The following MCCC2 variants were observed in gnomAD, a reference collection of about 807,000 sequenced individuals.
MCCC2 encodes the protein methylcrotonyl-CoA carboxylase subunit 2.
MCCC2 carries 52 observed loss-of-function variants against 77.2 expected under a neutral mutation model. That is an observed-to-expected ratio of 0.67 (90% CI 0.54 to 0.85). MCCC2 has a LOEUF of 0.85. Among genes scored for constraint, MCCC2 ranks in the 40% least tolerant of loss-of-function variants. The pLI is 0.00. For synonymous variants in MCCC2, 253 were observed against 248.4 expected, an observed-to-expected ratio of 1.02 and a Z score of -0.18; for missense variants, 682 against 703.2, an observed-to-expected ratio of 0.97 and a Z score of 0.34.
intron 6 of MCCC2, among the ~76,000 whole-genome samples, chr5:71,613,947 A>G (rs186279759): frequency 7.9e-5 from 12 of 151,196 alleles, no homozygotes; most frequent in East Asian, 3.9e-4. Context: ...TTAAATTCCA[A>G]GAGGTTCATA....
At chr5:71,622,835 G>A (rs549242449) in intron 6 of MCCC2, among the ~76,000 whole-genome samples, 9 of 152,270 alleles carry the variant, frequency 5.9e-5, no homozygotes, top group Non-Finnish European at 1.0e-4. Context: ...AGGCAGACGC[G>A]GTGGCTCACG....
intron 5 of MCCC2, chr5:71,602,975 G>T (rs1745504354): frequency 1.4e-5 from 4 of 278,148 alleles, no homozygotes; most frequent in Non-Finnish European, 2.7e-5. Context: ...GATCTCTTGA[G>T]TGCCAGGTAC....
At position 71,598,606 on chromosome 5, in the gene MCCC2, A is replaced by AT. The variant is rs34190236; in HGVS notation, c.282-1032dup. ...AGGCACGTGCCTCCACGCCTGGCTA[A>AT]TTTTTTTTTTTTTTTTTTTTTGTAT... On this transcript the variant is annotated intron_variant, in intron 3 of 16. Transcript: ENST00000340941. Among the ~76,000 whole-genome samples the AT allele has an allele frequency of 4.5e-3, 520 of 115,314 alleles. 5 individuals carry two copies. Among genetic ancestry groups the AT allele is most frequent in the South Asian group, 0.022 (76 of 3,454 alleles). 75.7% of individuals were successfully genotyped at this position (115,314 alleles called of 152,430 possible). A position where few individuals can be genotyped will look rare whatever the true frequency, so the allele number is the denominator to read the frequency against.
At chr5:71,633,019 A>G (rs933574896) in intron 8 of MCCC2, among the ~76,000 whole-genome samples, 1 of 148,936 alleles carries the variant, frequency 6.7e-6, no homozygotes, top group African/African-American at 2.5e-5. Flanking sequence ...TAGTTGCTCA[A>G]TAAAGGTTTT....
In MCCC2 at chr5:71,598,606, ATTTTTTTTTT is replaced by A. The variant is rs34190236; in HGVS notation, c.282-1041_282-1032del. Among the ~76,000 whole-genome samples the A allele has an allele frequency of 6.8e-3, 785 of 115,338 alleles. 7 individuals carry two copies. The highest frequency in any genetic ancestry group is 0.025 in the African/African-American group (752 of 30,456). The allele number at this position is 115,338 out of a possible 152,430, so 75.7% of individuals were successfully genotyped here. A position where few individuals can be genotyped will look rare whatever the true frequency, so the allele number is the denominator to read the frequency against. On this transcript the variant is annotated intron_variant, in intron 3 of 16. Transcript: ENST00000340941. ...AGGCACGTGCCTCCACGCCTGGCTA[ATTTTTTTTTT>A]TTTTTTTTTTTGTATTTTTAGTAGA...
chr5:71,639,179 G>A (rs1051189617), intron 10 of MCCC2, among the ~76,000 whole-genome samples: 1 of 152,196 alleles, frequency 6.6e-6, no homozygotes, highest in African/African-American at 2.4e-5. Flanking sequence ...GAGAGAGTAA[G>A]CCTGTCCTCA....
At chr5:71,622,164 T>C (rs979901599) in intron 6 of MCCC2, among the ~76,000 whole-genome samples, 3 of 152,124 alleles carry the variant, frequency 2.0e-5, no homozygotes, top group African/African-American at 2.4e-5. Flanking sequence ...GAATTTTCTT[T>C]CTAGGGTTTC....
intron 6 of MCCC2, among the ~76,000 whole-genome samples, chr5:71,610,389 G>A (rs1031664600): frequency 3.3e-5 from 5 of 152,158 alleles, no homozygotes; most frequent in Non-Finnish European, 5.9e-5. Flanking sequence ...GACCCCTTGC[G>A]CTTCCCAAGT....
chr5:71,642,857 A>G lies in MCCC2; in HGVS notation c.1073-962A>G, dbSNP rs533455914. ...ATTAAATAAACATGATAAGTTAGCC[A>G]GGTGTAGTGACTACTGGGGCCTATA... On this transcript the variant is annotated intron_variant, in intron 11 of 16. Transcript: ENST00000340941. Among the ~76,000 whole-genome samples the G allele has an allele frequency of 1.8e-3, 267 of 152,266 alleles. 2 individuals are homozygous for G. The highest frequency in any genetic ancestry group is 4.8e-3 in the South Asian group (23 of 4,818).
At chr5:71,630,492 A>G (rs1423091690) in intron 7 of MCCC2, among the ~76,000 whole-genome samples, 1 of 151,066 alleles carries the variant, frequency 6.6e-6, no homozygotes, top group Non-Finnish European at 1.5e-5. Context: ...TTTTTGGTTG[A>G]TATTAGTCAG....
At chr5:71,623,619 A>C (rs186121644) in intron 6 of MCCC2, among the ~76,000 whole-genome samples, 4 of 152,216 alleles carry the variant, frequency 2.6e-5, no homozygotes, top group Non-Finnish European at 4.4e-5. Context: ...ATCACTTGCC[A>C]TATTCTCTTT....
intron 4 of MCCC2, among the ~76,000 whole-genome samples, chr5:71,600,060 G>A (rs1745363004): frequency 6.6e-6 from 1 of 152,122 alleles, no homozygotes; most frequent in Non-Finnish European, 1.5e-5. Flanking sequence ...AGCTACTTGG[G>A]AGGCTGAGGC....
At chr5:71,653,196 T>C (rs553159965) in intron 16 of MCCC2, among the ~76,000 whole-genome samples, 2 of 152,378 alleles carry the variant, frequency 1.3e-5, no homozygotes, top group Non-Finnish European at 2.9e-5. Context: ...CTTACTGGCA[T>C]TTGTTGACAA....
rs549649066 is a variant in MCCC2, at chr5:71,634,739, G to A, written c.804-204G>A. Among the ~76,000 whole-genome samples the A allele has an allele frequency of 1.2e-4, 19 of 152,244 alleles. No individual in the cohort carries two copies. In the South Asian group the frequency reaches 3.7e-3, roughly 30 times the overall value. On this transcript the variant is annotated intron_variant, in intron 8 of 16. Transcript: ENST00000340941. ...ACTTATGCGTACTTCAGCTTTTCCT[G>A]TTTGTAAAACAAAGGGAATACAGTT...
chr5:71,608,898 C>A (rs979551929), intron 6 of MCCC2, among the ~76,000 whole-genome samples: 1 of 152,170 alleles, frequency 6.6e-6, no homozygotes, highest in African/African-American at 2.4e-5. Context: ...ATATTGGCCC[C>A]TAGTCTCTTC....
intron 6 of MCCC2, 35 bp from the exon 7 acceptor site, chr5:71,626,605 G>C: frequency 6.6e-7 from 1 of 1,513,546 alleles, no homozygotes; most frequent in African/African-American, 1.4e-5. Context: ...TGCATGAGCT[G>C]CATCTCATGT....
intron 2 of MCCC2, 96 bp downstream of exon 2, chr5:71,593,088 T>C: frequency 1.9e-6 from 2 of 1,064,762 alleles, no homozygotes; most frequent in Non-Finnish European, 2.8e-6. Context: ...AAGCTTTTGA[T>C]ATTTTTTTTT....
At position 71,635,169 on chromosome 5, in the gene MCCC2, G is replaced by A. The variant is rs781597349; in HGVS notation, c.922G>A (p.Glu308Lys). 1.2e-6 allele frequency: 2 copies of A among 1,614,150 alleles called. No individual in the cohort carries two copies. Among genetic ancestry groups the A allele is most frequent in the Non-Finnish European group, 8.5e-7 (1 of 1,179,996 alleles). ...KKLDVTIEPSEEPLFPADELY... is the reference protein window; with the variant it reads ...KKLDVTIEPSKEPLFPADELY... ...TCTGCAGGTCACCATTGAACCTTCT[G>A]AAGAGCCTTTATTTCCTGCTGATGA... Residue 308 changes from glutamate (E) to lysine (K), a missense_variant, in exon 10 of 17, where the codon GAA becomes AAA. Physicochemically the swap from Glu to Lys is moderately conservative, Grantham distance 56. Coordinates refer to ENST00000340941, the MANE Select transcript of MCCC2 (RefSeq NM_022132.5).
chr5:71,595,824 C>T (rs556368048), intron 2 of MCCC2, among the ~76,000 whole-genome samples: 1 of 152,162 alleles, frequency 6.6e-6, no homozygotes, highest in East Asian at 1.9e-4. Flanking sequence ...TAAAAAGTTA[C>T]GGATCACTAA....
Sources: gnomAD v4.1 joint callset for allele counts (sites outside exome capture counted in the v4.1 genomes callset) on GRCh38, gnomAD v4.1.1 for gene constraint, MANE v1.5 for transcripts, NCBI Gene and HGNC (gene_info 2026-07-23, HGNC 2026-07-21) for gene names.